The following TMTC4 variants were observed in gnomAD, a reference collection of about 807,000 sequenced individuals.
TMTC4 encodes protein O-mannosyl-transferase TMTC4.
Under a neutral mutation model 86.0 loss-of-function variants are expected in TMTC4, and 65 were observed. The observed-to-expected ratio is 0.76, with a 90% CI of 0.62 to 0.93. The LOEUF is 0.93. Ranked by LOEUF, TMTC4 falls within the 40% of genes least tolerant of loss-of-function variation. The pLI, the probability that TMTC4 is intolerant of heterozygous loss-of-function variation, is 0.00. For missense variants in TMTC4, 866 were observed against 948.1 expected (o/e 0.91, Z 1.14); for synonymous variants, 379 against 382.5 (o/e 0.99, Z 0.11).
intron 4 of TMTC4, among the ~76,000 whole-genome samples, chr13:100,663,397 T>G (rs1594371693): frequency 2.6e-5 from 4 of 152,246 alleles, no homozygotes; most frequent in Admixed American, 2.6e-4. Context: ...GAAAAACGGA[T>G]GAAACATATG....
At chr13:100,663,908 G>A (rs1056189240) in intron 4 of TMTC4, among the ~76,000 whole-genome samples, 2 of 152,044 alleles carry the variant, frequency 1.3e-5, no homozygotes, top group Admixed American at 6.6e-5. Context: ...TATTTCTGTA[G>A]TGAAAAAAAT....
At chr13:100,674,502 G>A in intron 1 of TMTC4, 1 of 963,318 alleles carries the variant, frequency 1.0e-6, no homozygotes, top group Non-Finnish European at 1.2e-6. Context: ...GGCGGGGCGC[G>A]CAGCCTCCAC....
intron 7 of TMTC4, 104 bp downstream of exon 7, chr13:100,642,107 T>C (rs1167777984): frequency 1.7e-6 from 2 of 1,144,970 alleles, no homozygotes; most frequent in East Asian, 2.4e-5. Flanking sequence ...CAATGGGATG[T>C]AGGCGTGGAG....
chr13:100,618,672 T>C (rs1359179481), intron 15 of TMTC4, among the ~76,000 whole-genome samples: 1 of 151,882 alleles, frequency 6.6e-6, no homozygotes, highest in Non-Finnish European at 1.5e-5. Flanking sequence ...GTACTTGAGA[T>C]TAGGGAGTGG....
chr13:100,617,267 T>C (rs1394514318), intron 15 of TMTC4, among the ~76,000 whole-genome samples: 1 of 152,216 alleles, frequency 6.6e-6, no homozygotes, highest in Non-Finnish European at 1.5e-5. Flanking sequence ...CCCAGGTAGC[T>C]GGGACTACAG....
At chr13:100,631,591 A>G (rs1881362915) in intron 12 of TMTC4, among the ~76,000 whole-genome samples, 1 of 152,206 alleles carries the variant, frequency 6.6e-6, no homozygotes, top group South Asian at 2.1e-4. Context: ...TATGCAAGGC[A>G]CTGTGCCTTG....
At chr13:100,623,031 A>C (rs1879786155) in intron 15 of TMTC4, among the ~76,000 whole-genome samples, 1 of 152,180 alleles carries the variant, frequency 6.6e-6, no homozygotes, top group Admixed American at 6.5e-5. Flanking sequence ...AAGACCAAAG[A>C]CATTCACATT....
At chr13:100,627,350 A>C (rs1048970234) in intron 12 of TMTC4, among the ~76,000 whole-genome samples, 2 of 152,208 alleles carry the variant, frequency 1.3e-5, no homozygotes, top group Admixed American at 6.5e-5. Context: ...GCAATAAAGC[A>C]CCACAAACTG....
At chr13:100,609,372 AG>A (rs1325939750) in intron 17 of TMTC4, among the ~76,000 whole-genome samples, 1 of 152,192 alleles carries the variant, frequency 6.6e-6, no homozygotes, top group African/African-American at 2.4e-5. Context: ...CAAGTAAATA[AG>A]GTAATACCTA....
In TMTC4 at chr13:100,606,270, A is replaced by G. The variant is rs572340372; in HGVS notation, c.2134+88T>C. On this transcript the variant is annotated intron_variant, in intron 18 of 18. Transcript: ENST00000342624. ...AAGCCAGGCTAGCTTTGAAAAAACT[A>G]CTCTCCCAACATTAATTTTATAGAC... is the stretch of plus-strand genomic sequence containing the variant. 2.2e-5 allele frequency: 25 copies of G among 1,149,052 alleles called. No homozygotes were observed. The South Asian group carries it at 3.0e-4, about 14-fold the overall frequency. The allele number at this position is 1,149,052 out of a possible 1,614,324, so 71.2% of individuals were successfully genotyped here. A position where few individuals can be genotyped will look rare whatever the true frequency, so the allele number is the denominator to read the frequency against.
intron 15 of TMTC4, among the ~76,000 whole-genome samples, chr13:100,617,615 G>A (rs1041327628): frequency 1.3e-5 from 2 of 152,094 alleles, no homozygotes; most frequent in African/African-American, 4.8e-5. Context: ...AAAAAAAATT[G>A]GTTAAATTGT....
chr13:100,635,045 C>G lies in TMTC4; in HGVS notation c.1353G>C (p.Leu451=). 5.0e-6 allele frequency: 8 copies of G among 1,612,606 alleles called. No individual in the cohort carries two copies. The highest frequency in any genetic ancestry group is 6.8e-6 in the Non-Finnish European group (8 of 1,179,286). The change falls in exon 11 of 19, where the codon CTG becomes CTC. Residue 451 remains leucine (L), a synonymous_variant. Coordinates refer to ENST00000342624, the MANE Select transcript of TMTC4 (RefSeq NM_032813.5). ...ATACCTTTTTCTTGGTATGTTTGCT[C>G]AGGGCTCCGAATCCAAAAGTCAGCA... The part of the protein sequence containing the change: ...CVLLTFGFGA[L]SKHTKKKKLI...
intron 6 of TMTC4, among the ~76,000 whole-genome samples, chr13:100,643,241 C>T (rs1017177721): frequency 1.3e-5 from 2 of 152,220 alleles, no homozygotes; most frequent in South Asian, 2.1e-4. Context: ...GGGACAAAAG[C>T]GAACCTTCTT....
At chr13:100,619,650 A>AT (rs1879187421) in intron 15 of TMTC4, among the ~76,000 whole-genome samples, 1 of 151,450 alleles carries the variant, frequency 6.6e-6, no homozygotes, top group Admixed American at 6.6e-5. Flanking sequence ...ATGAACATCC[A>AT]TTTGCTAAAG....
intron 16 of TMTC4, 93 bp downstream of exon 16, chr13:100,614,223 G>T: frequency 1.1e-6 from 1 of 940,108 alleles, no homozygotes; most frequent in South Asian, 1.8e-5. Flanking sequence ...AACTCAGTAG[G>T]AAAAAAGCAC....
intron 6 of TMTC4, among the ~76,000 whole-genome samples, chr13:100,651,776 A>G (rs558602583): frequency 2.0e-5 from 3 of 152,252 alleles, no homozygotes; most frequent in African/African-American, 7.2e-5. Context: ...TGTTCCTCTG[A>G]TATTAGGCCT....
intron 16 of TMTC4, among the ~76,000 whole-genome samples, chr13:100,612,771 G>A (rs748600012): frequency 1.3e-5 from 2 of 151,848 alleles, no homozygotes; most frequent in Non-Finnish European, 2.9e-5. Flanking sequence ...ATTAACTTCT[G>A]TAAAACCATC....
At chr13:100,664,198 G>A in intron 4 of TMTC4, 23 bp downstream of exon 4, 15 of 1,584,528 alleles carry the variant, frequency 9.5e-6, no homozygotes, top group Non-Finnish European at 1.2e-5. Flanking sequence ...GACCTTCCCA[G>A]GCCCTTCAAT....
intron 3 of TMTC4, among the ~76,000 whole-genome samples, chr13:100,668,117 G>C (rs1045311964): frequency 1.2e-4 from 18 of 152,240 alleles, no homozygotes; most frequent in African/African-American, 2.9e-4. Flanking sequence ...GACAGTCTCG[G>C]AGAAGGACAA....
Sources: allele counts gnomAD v4.1 joint callset (sites outside exome capture counted in the v4.1 genomes callset), GRCh38; gene constraint gnomAD v4.1.1; transcripts MANE v1.5; gene names NCBI Gene and HGNC (gene_info 2026-07-23, HGNC 2026-07-21).